Variants in AGO3 observed in about 807,000 individuals in gnomAD.
AGO3 encodes argonaute RISC catalytic component 3.
Under a neutral mutation model 105.5 loss-of-function variants are expected in AGO3, and 16 were observed. The observed-to-expected ratio is 0.15, with a 90% CI of 0.10 to 0.23. The LOEUF is 0.23. AGO3 is among the 10% of genes least tolerant of loss of function. The pLI, the probability that AGO3 is intolerant of heterozygous loss-of-function variation, is 1.00. For synonymous variants in AGO3, 340 were observed against 367.3 expected (o/e 0.93, Z 0.85); for missense variants, 534 against 1,088.0 (o/e 0.49, Z 7.16).
intron 5 of AGO3, among the ~76,000 whole-genome samples, chr1:35,997,957 AAAGT>A (rs1639916904): frequency 6.6e-6 from 1 of 152,216 alleles, no homozygotes; most frequent in African/African-American, 2.4e-5. Context: ...TTGGCCTCCC[AAAGT>A]AAGAAACAGA....
chr1:36,035,628 G>A (rs1641966941), intron 13 of AGO3, among the ~76,000 whole-genome samples: 1 of 152,126 alleles, frequency 6.6e-6, no homozygotes, highest in Non-Finnish European at 1.5e-5. Flanking sequence ...TGGATCATAA[G>A]GAAGTTTATA....
chr1:36,038,520 T>A (rs888394310), intron 14 of AGO3, among the ~76,000 whole-genome samples: 1 of 151,942 alleles, frequency 6.6e-6, no homozygotes, highest in South Asian at 2.1e-4. Context: ...CTCCCAAAGT[T>A]CTGGGATTAC....
At chr1:35,956,637 G>GTT (rs1038922061) in intron 2 of AGO3, among the ~76,000 whole-genome samples, 7 of 137,662 alleles carry the variant, frequency 5.1e-5, no homozygotes, top group Non-Finnish European at 6.4e-5. Context: ...TTCTTTTTTT[G>GTT]TTTTTTTTTT....
At chr1:35,992,507 C>T (rs1569657903) in intron 5 of AGO3, among the ~76,000 whole-genome samples, 1 of 151,968 alleles carries the variant, frequency 6.6e-6, no homozygotes, top group East Asian at 1.9e-4. Context: ...TAGGTTTGTA[C>T]CTTAAATTTT....
chr1:35,940,315 C>T (rs1369228438), intron 1 of AGO3, among the ~76,000 whole-genome samples: 2 of 152,138 alleles, frequency 1.3e-5, no homozygotes, highest in South Asian at 2.1e-4. Flanking sequence ...GATCCGCCCG[C>T]GTCAGCCTCC....
chr1:36,020,926 CTTTATTTA>C (rs1035926827), intron 11 of AGO3, among the ~76,000 whole-genome samples: 3 of 151,416 alleles, frequency 2.0e-5, no homozygotes, highest in Admixed American at 1.3e-4. Flanking sequence ...CCTGCCATTA[CTTTATTTA>C]TTTATTTATT....
intron 17 of AGO3, among the ~76,000 whole-genome samples, chr1:36,052,887 C>CT (rs912465309): frequency 6.6e-6 from 1 of 152,028 alleles, no homozygotes; most frequent in African/African-American, 2.4e-5. Flanking sequence ...TGGTAGGTGC[C>CT]TGTAGTCCCA....
chr1:35,931,475 G>C, intron 1 of AGO3, 30 bp downstream of exon 1: 1 of 1,474,926 alleles, frequency 6.8e-7, no homozygotes, highest in Non-Finnish European at 9.0e-7. Flanking sequence ...CCAGGTAGGG[G>C]ATGTCACCCA....
At chr1:35,935,624 A>G (rs1472014395) in intron 1 of AGO3, among the ~76,000 whole-genome samples, 1 of 152,226 alleles carries the variant, frequency 6.6e-6, no homozygotes, top group African/African-American at 2.4e-5. Flanking sequence ...GGGGCCCTGT[A>G]AAGGGGACAT....
intron 17 of AGO3, among the ~76,000 whole-genome samples, chr1:36,047,403 T>G (rs1293992844): frequency 1.3e-5 from 2 of 149,982 alleles, no homozygotes; most frequent in African/African-American, 4.9e-5. Context: ...AGCAGAAGAA[T>G]CTCTGAACTT....
rs552590206 is a variant in AGO3, at chr1:35,943,663, G to A, written c.20-2029G>A. 8.1e-5 allele frequency among the ~76,000 whole-genome samples: 12 copies of A among 148,024 alleles called. No homozygotes were observed. The East Asian group carries it at 2.4e-3, about 30-fold the overall frequency. On this transcript the variant is annotated intron_variant, in intron 1 of 18. Coordinates refer to ENST00000373191, the MANE Select transcript of AGO3 (RefSeq NM_024852.4). ...CTATCACCCAGGCTGGAGTGCAGTG[G>A]CATGATCTCGGCTCACTGTAACCTC... is the stretch of plus-strand genomic sequence containing the variant.
chr1:35,941,170 A>G lies in AGO3; in HGVS notation c.20-4522A>G, dbSNP rs114127294. On this transcript the variant is annotated intron_variant, in intron 1 of 18. Coordinates refer to ENST00000373191, the MANE Select transcript of AGO3 (RefSeq NM_024852.4). ...ATGACACTTCTGTTCTTTCAGTTGT[A>G]CAGACCAAAAAACCTTGAGAATGTT... Among the ~76,000 whole-genome samples the G allele has an allele frequency of 8.2e-3, 1,254 of 152,290 alleles. 25 individuals carry two copies. Among genetic ancestry groups the G allele is most frequent in the African/African-American group, 0.027 (1,127 of 41,556 alleles).
At chr1:36,009,719 T>C (rs746580735) in intron 9 of AGO3, 125 bp downstream of exon 9, 1 of 1,002,086 alleles carries the variant, frequency 1.0e-6, no homozygotes, top group Non-Finnish European at 1.4e-6. Context: ...TTAAAAGCAA[T>C]CATGGAAGTA....
At chr1:35,936,582 A>G (rs1181909184) in intron 1 of AGO3, among the ~76,000 whole-genome samples, 3 of 152,156 alleles carry the variant, frequency 2.0e-5, no homozygotes, top group South Asian at 2.1e-4. Flanking sequence ...TCGGCCTCCC[A>G]GAGTGCTGGG....
chr1:35,957,794 C>G (rs934109517), intron 2 of AGO3, among the ~76,000 whole-genome samples: 3 of 152,054 alleles, frequency 2.0e-5, no homozygotes, highest in African/African-American at 7.2e-5. Flanking sequence ...AGTGCAGTGG[C>G]ACATGTGAGG....
chr1:36,024,113 T>G (rs1352062786), intron 11 of AGO3, among the ~76,000 whole-genome samples: 2 of 152,024 alleles, frequency 1.3e-5, no homozygotes, highest in Non-Finnish European at 2.9e-5. Flanking sequence ...TAGCCATTAT[T>G]TTTCTCAAAA....
At chr1:36,022,025 A>G (rs1009340056) in intron 11 of AGO3, among the ~76,000 whole-genome samples, 4 of 149,874 alleles carry the variant, frequency 2.7e-5, no homozygotes, top group Non-Finnish European at 5.9e-5. Flanking sequence ...GCACATTAAT[A>G]GGCATCCGCA....
At chr1:35,935,369 C>A (rs1646130701) in intron 1 of AGO3, among the ~76,000 whole-genome samples, 1 of 152,172 alleles carries the variant, frequency 6.6e-6, no homozygotes, top group Admixed American at 6.5e-5. Context: ...TATAACCGTT[C>A]TTTACATTTT....
rs766452676 is a variant in AGO3, at chr1:36,055,056, A to G, written c.2385A>G (p.Thr795=). Residue 795 remains threonine, a synonymous_variant, in exon 18 of 19, where the codon ACA becomes ACG. Coordinates refer to ENST00000373191, the MANE Select transcript of AGO3 (RefSeq NM_024852.4). This position sits in a 1 kb window ranked among gnomAD's most constrained non-coding sequence, Gnocchi z 4.4. ...TCTGCCACACTTACGTACGCTGTACACGATCTGTTTCTATACCTGCACCAG... is the reference window on the plus strand; with the variant it reads ...TCTGCCACACTTACGTACGCTGTACGCGATCTGTTTCTATACCTGCACCAG... ...YQLCHTYVRC[T]RSVSIPAPAY... 1 of 1,614,192 alleles carries G rather than the reference A, an allele frequency of 6.2e-7. No individual in the cohort carries two copies. Among genetic ancestry groups the G allele is most frequent in the Admixed American group, 1.7e-5 (1 of 60,020 alleles).
Sources: allele counts gnomAD v4.1 joint callset (sites outside exome capture counted in the v4.1 genomes callset), GRCh38; gene constraint gnomAD v4.1.1; non-coding constraint Gnocchi (gnomAD v3.1); transcripts MANE v1.5; gene names NCBI Gene and HGNC (gene_info 2026-07-23, HGNC 2026-07-21).